KNTC1: variants seen among roughly 807,000 people sequenced by gnomAD.
The protein encoded by KNTC1 is kinetochore associated 1.
Under a neutral mutation model 314.4 loss-of-function variants are expected in KNTC1, and 253 were observed. The observed-to-expected ratio is 0.80, with a 90% CI of 0.73 to 0.89. The LOEUF is 0.89. Among genes scored for constraint, KNTC1 ranks in the 40% least tolerant of loss-of-function variants. The probability of loss-of-function intolerance (pLI) is 0.00; values close to 1 mark genes in which losing one functional copy is unlikely to be tolerated. For synonymous variants in KNTC1, 901 were observed against 901.4 expected (o/e 1.00, Z 0.01); for missense variants, 2,475 against 2,572.9 (o/e 0.96, Z 0.82).
At chr12:122,551,544 A>G (rs1350397609) in intron 15 of KNTC1, 21 bp downstream of exon 15, 1 of 1,601,956 alleles carries the variant, frequency 6.2e-7, no homozygotes, top group African/African-American at 1.3e-5. Flanking sequence ...ATTTTTTTTT[A>G]AGCTTTATCC....
In KNTC1 at chr12:122,585,915, A is replaced by C. The variant is rs1869221610; in HGVS notation, c.3673+141A>C. The C allele has an allele frequency of 4.5e-5, 33 of 727,018 alleles. No homozygotes were observed. In the South Asian group the frequency reaches 5.3e-4, roughly 12 times the overall value. 45.0% of individuals were successfully genotyped at this position (727,018 alleles called of 1,614,324 possible). A position where few individuals can be genotyped will look rare whatever the true frequency, so the allele number is the denominator to read the frequency against. ...TGTGGAGCTAAAGAAGCAGATACAA[A>C]AGAATAAATACTGTGTGATTTCATT... is the stretch of plus-strand genomic sequence containing the variant. On this transcript the variant is annotated intron_variant, in intron 37 of 63. Coordinates refer to ENST00000333479, the MANE Select transcript of KNTC1 (RefSeq NM_014708.6).
rs1183492622 is a variant in KNTC1 at position 122,587,834 on chromosome 12, A to G, written c.3854A>G (p.His1285Arg). ...VVGSFGTCLQHSVSNFMNATL... is the reference protein window; with the variant it reads ...VVGSFGTCLQRSVSNFMNATL... ...GGTTCATTTGGTACCTGTCTTCAGC[A>G]CTCTGTGTCAAACTTCATGAATGCC... is the stretch of plus-strand genomic sequence containing the variant. The change falls in exon 39 of 64, where the codon CAC becomes CGC. Residue 1285 changes from histidine (H) to arginine (R), a missense_variant. Transcript: ENST00000333479. 4 of 1,613,688 alleles carry G rather than the reference A, an allele frequency of 2.5e-6. No individual in the cohort carries two copies. The African/African-American group carries it at 4.0e-5, about 16-fold the overall frequency.
chr12:122,597,770 C>G lies in KNTC1; in HGVS notation c.4395C>G (p.Phe1465Leu). 6.2e-7 allele frequency: 1 copy of G among 1,613,966 alleles called. No individual in the cohort carries two copies. The highest frequency in any genetic ancestry group is 1.1e-5 in the South Asian group (1 of 91,082). Residue 1465 changes from phenylalanine (F) to leucine (L), a missense_variant, in exon 44 of 64, where the codon TTC (phenylalanine) becomes TTG (leucine). Phe to Leu is a conservative substitution (Grantham distance 22). Transcript: ENST00000333479. ...ACTGCGATGCAGTTCTTCAGCTCTTCATTGAAACGCTGCTCCACAACACAA... is the reference window on the plus strand; with the variant it reads ...ACTGCGATGCAGTTCTTCAGCTCTTGATTGAAACGCTGCTCCACAACACAA... ...QLDCDAVLQLFIETLLHNTNA... is the reference protein window; with the variant it reads ...QLDCDAVLQLLIETLLHNTNA...
At chr12:122,606,123 A>G (rs1359912780) in intron 51 of KNTC1, among the ~76,000 whole-genome samples, 1 of 151,848 alleles carries the variant, frequency 6.6e-6, no homozygotes, top group Non-Finnish European at 1.5e-5. Context: ...TCGATTTCCC[A>G]AAATGCTGGG....
chr12:122,536,814 G>A (rs570475278), intron 3 of KNTC1, among the ~76,000 whole-genome samples: 1 of 152,236 alleles, frequency 6.6e-6, no homozygotes, highest in African/African-American at 2.4e-5. Context: ...CACTGCACCC[G>A]GCCATTAAAT....
intron 51 of KNTC1, among the ~76,000 whole-genome samples, chr12:122,606,424 G>A (rs1182797651): frequency 2.0e-5 from 3 of 151,716 alleles, no homozygotes; most frequent in Admixed American, 2.0e-4. Context: ...CACCATGTTG[G>A]CCAAGCTGGT....
At position 122,591,370 on chromosome 12, in the gene KNTC1, C is replaced by T. The variant is rs768254164; in HGVS notation, c.4162C>T (p.Leu1388Phe). 8 of 1,610,062 alleles carry T rather than the reference C, an allele frequency of 5.0e-6. No homozygotes were observed. Among genetic ancestry groups the T allele is most frequent in the Non-Finnish European group, 6.8e-6 (8 of 1,176,734 alleles). ...ISLVGSELAS[L>F]YQEIEMGLKF... is the part of the protein sequence containing the mutation. ...TCTGGTGGGCTCTGAGCTGGCAAGT[C>T]TCTATCAGGAAATAGAAATGGGGCT... The change falls in exon 42 of 64, where the codon CTC (leucine) becomes TTC (phenylalanine). Residue 1388 changes from leucine (L) to phenylalanine (F), a missense_variant. By Grantham distance (22) the Leu-to-Phe change is conservative. Coordinates refer to ENST00000333479, the MANE Select transcript of KNTC1 (RefSeq NM_014708.6).
At chr12:122,541,136 G>T (rs12297225) in intron 5 of KNTC1, among the ~76,000 whole-genome samples, 3,194 of 151,852 alleles carry the variant, frequency 0.021, 114 homozygotes, top group African/African-American at 0.073. Context: ...TCTGGCCTGC[G>T]AGTGCAGGCC....
chr12:122,591,838 C>T (rs1414829832), intron 42 of KNTC1, among the ~76,000 whole-genome samples: 3 of 152,194 alleles, frequency 2.0e-5, no homozygotes, highest in African/African-American at 2.4e-5. Flanking sequence ...TCAAGAACTC[C>T]TAGTGAGAGG....
Position 122,603,147 on chromosome 12 carries a change from A to G in KNTC1, c.5005A>G (p.Lys1669Glu). 1.9e-6 allele frequency: 3 copies of G among 1,613,734 alleles called. No individual in the cohort carries two copies. Among genetic ancestry groups the G allele is most frequent in the Non-Finnish European group, 2.5e-6 (3 of 1,179,796 alleles). ...AACACTGATTAACAAGGAAATAACT[A>G]AGATCACGCAGACCATCGAATCCTG... Reference protein sequence around the residue: ...SSTLINKEITKITQTIESCLL... With the variant: ...SSTLINKEITEITQTIESCLL... The change falls in exon 48 of 64, where the codon AAG becomes GAG. Residue 1669 changes from lysine (K) to glutamate (E), a missense_variant. By Grantham distance (56) the Lys-to-Glu change is moderately conservative. Transcript: ENST00000333479.
Position 122,586,747 on chromosome 12 carries a change from C to A in KNTC1, c.3720C>A (p.Ser1240=). Residue 1240 remains serine (S), a synonymous_variant, in exon 38 of 64, where the codon TCC becomes TCA. Coordinates refer to ENST00000333479, the MANE Select transcript of KNTC1 (RefSeq NM_014708.6). The part of the protein sequence containing the change: ...PLESTSLPYC[S]LNEGDGLVLP... ...AGTCTACCAGTTTGCCATACTGCTCCCTTAATGAAGGTATTTGGCACAAGA... is the reference window on the plus strand; with the variant it reads ...AGTCTACCAGTTTGCCATACTGCTCACTTAATGAAGGTATTTGGCACAAGA... 6.9e-7 allele frequency: 1 copy of A among 1,442,626 alleles called. No homozygotes were observed. The highest frequency in any genetic ancestry group is 9.3e-7 in the Non-Finnish European group (1 of 1,072,728). 89.4% of individuals were successfully genotyped at this position (1,442,626 alleles called of 1,614,324 possible). A position where few individuals can be genotyped will look rare whatever the true frequency, so the allele number is the denominator to read the frequency against.
intron 42 of KNTC1, 43 bp from the exon 43 acceptor site, chr12:122,594,233 T>C (rs370528321): frequency 6.0e-5 from 63 of 1,056,232 alleles, no homozygotes; most frequent in Middle Eastern, 2.3e-4. Context: ...TACATTTCAG[T>C]GTAGAGGGTT....
chr12:122,562,390 G>A (rs1266770010), intron 19 of KNTC1, among the ~76,000 whole-genome samples: 1 of 151,860 alleles, frequency 6.6e-6, no homozygotes, highest in African/African-American at 2.4e-5. Context: ...TAATGTGTAT[G>A]TGCCTTTATA....
chr12:122,586,336 C>T (rs1168434407), intron 37 of KNTC1, among the ~76,000 whole-genome samples: 1 of 152,186 alleles, frequency 6.6e-6, no homozygotes, highest in Non-Finnish European at 1.5e-5. Flanking sequence ...CCCGCCTCAG[C>T]CTTCCAAAGT....
intron 47 of KNTC1, 57 bp from the exon 48 acceptor site, chr12:122,602,970 A>C (rs546967899): frequency 1.3e-6 from 2 of 1,563,050 alleles, no homozygotes; most frequent in Non-Finnish European, 1.8e-6. Context: ...TGCTGCTTTC[A>C]TGTAAAACCT....
In KNTC1 at chr12:122,574,346, C is replaced by A; in HGVS notation, c.2348C>A (p.Ala783Asp). Residue 783 changes from alanine (A) to aspartate (D), a missense_variant, in exon 27 of 64, where the codon GCC (alanine) becomes GAC (aspartate). By Grantham distance (126) the Ala-to-Asp change is moderately radical. Coordinates refer to ENST00000333479, the MANE Select transcript of KNTC1 (RefSeq NM_014708.6). ...TTTGAAACAGCATGGGAAGCAAAGG[C>A]CATGGCAGTAATAGCGTGTTTATCT... ...SLFETAWEAKAMAVIACLSDT... is the reference protein window; with the variant it reads ...SLFETAWEAKDMAVIACLSDT... 1 of 1,610,946 alleles carries A rather than the reference C, an allele frequency of 6.2e-7. No individual in the cohort carries two copies. Among genetic ancestry groups the A allele is most frequent in the Non-Finnish European group, 8.5e-7 (1 of 1,177,900 alleles).
In KNTC1 at chr12:122,551,701, T is replaced by G; in HGVS notation, c.1272+5T>G. 6.2e-7 allele frequency: 1 copy of G among 1,603,274 alleles called. No homozygotes were observed. Among genetic ancestry groups the G allele is most frequent in the Non-Finnish European group, 8.5e-7 (1 of 1,170,122 alleles). ...CAGTTTGGACTAGATGTTGAGGTAA[T>G]CATTCATGTATTCATTTGTTCACCA... On this transcript the variant is annotated splice_donor_5th_base_variant and intron_variant, in intron 16 of 63. Transcript: ENST00000333479.
chr12:122,574,799 A>G (rs1202172724), intron 27 of KNTC1, among the ~76,000 whole-genome samples: 2 of 152,194 alleles, frequency 1.3e-5, no homozygotes, highest in African/African-American at 2.4e-5. Flanking sequence ...AGTTGTATGC[A>G]TATCTTTGCA....
intron 41 of KNTC1, 130 bp from the exon 42 acceptor site, chr12:122,591,207 C>T: frequency 1.5e-6 from 1 of 665,528 alleles, no homozygotes; most frequent in Non-Finnish European, 2.7e-6. Flanking sequence ...CGACTGTGTA[C>T]AAAATAATAT....
Sources: allele counts gnomAD v4.1 joint callset (sites outside exome capture counted in the v4.1 genomes callset), GRCh38; gene constraint gnomAD v4.1.1; transcripts MANE v1.5; gene names NCBI Gene and HGNC (gene_info 2026-07-23, HGNC 2026-07-21).